Variants in PPIL4 observed in about 807,000 individuals in gnomAD.
The protein encoded by PPIL4 is peptidyl-prolyl cis-trans isomerase-like 4.
PPIL4 carries 50 observed loss-of-function variants against 69.1 expected under a neutral mutation model. That is an observed-to-expected ratio of 0.72 (90% confidence interval 0.58 to 0.92). The LOEUF is 0.92. Ranked by LOEUF, PPIL4 falls within the 40% of genes least tolerant of loss-of-function variation. The pLI, the probability that PPIL4 is intolerant of heterozygous loss-of-function variation, is 0.00. For missense variants in PPIL4, 480 were observed against 587.9 expected, an observed-to-expected ratio of 0.82 and a Z score of 1.90; for synonymous variants, 193 against 191.6, an observed-to-expected ratio of 1.01 and a Z score of -0.06.
chr6:149,520,711 T>A (rs1010808283), intron 10 of PPIL4, among the ~76,000 whole-genome samples: 1 of 152,072 alleles, frequency 6.6e-6, no homozygotes, highest in African/African-American at 2.4e-5. Context: ...CATACAAGCA[T>A]GAAAAGCATA....
chr6:149,513,402 A>T (rs1334975441), intron 11 of PPIL4, among the ~76,000 whole-genome samples: 1 of 105,924 alleles, frequency 9.4e-6, no homozygotes, highest in Non-Finnish European at 1.9e-5. Context: ...AAAAAAAAAA[A>T]AAAAAAAAAA....
Position 149,545,982 on chromosome 6 carries a change from A to G in PPIL4, c.24T>C (p.Thr8=). 1.3e-6 allele frequency: 2 copies of G among 1,585,930 alleles called. No individual in the cohort carries two copies. The highest frequency in any genetic ancestry group is 1.7e-6 in the Non-Finnish European group (2 of 1,163,470). Residue 8 remains threonine (T), a synonymous_variant, in exon 1 of 13, where the codon ACT becomes ACC. Transcript: ENST00000253329. ...ACAAGTCGATGACGACGTCGCCTAA[A>G]GTGGTCTCCAGTAGAACCGCCATGG... MAVLLET[T]LGDVVIDLYT...
At chr6:149,532,171 G>C (rs1777209752) in intron 7 of PPIL4, among the ~76,000 whole-genome samples, 1 of 152,146 alleles carries the variant, frequency 6.6e-6, no homozygotes, top group African/African-American at 2.4e-5. Flanking sequence ...ATCAGAGAGA[G>C]AGAAAAAGAG....
At chr6:149,530,954 A>G (rs1347743692) in intron 7 of PPIL4, among the ~76,000 whole-genome samples, 2 of 152,226 alleles carry the variant, frequency 1.3e-5, no homozygotes, top group African/African-American at 2.4e-5. Flanking sequence ...TCCAATGAAT[A>G]TCGTACACCT....
At chr6:149,535,180 C>A (rs1194980934) in intron 5 of PPIL4, among the ~76,000 whole-genome samples, 1 of 152,088 alleles carries the variant, frequency 6.6e-6, no homozygotes, top group Non-Finnish European at 1.5e-5. Context: ...CATGGTGAAA[C>A]CCCGTCTCTA....
intron 12 of PPIL4, among the ~76,000 whole-genome samples, chr6:149,511,555 G>A (rs928028749): frequency 2.0e-5 from 3 of 152,112 alleles, no homozygotes; most frequent in Non-Finnish European, 4.4e-5. Context: ...GATTACAGGC[G>A]TGAGCCACCG....
In PPIL4 at chr6:149,534,763, G is replaced by C. The variant is rs778834268; in HGVS notation, c.476C>G (p.Thr159Arg). 3 of 1,545,644 alleles carry C rather than the reference G, an allele frequency of 1.9e-6. No homozygotes were observed. Among genetic ancestry groups the C allele is most frequent in the Non-Finnish European group, 2.7e-6 (3 of 1,125,796 alleles). ...VPYQDIRINH[T>R]VILDDPFDDP... ...ATCAAATGGATCATCTAAAATCACC[G>C]TATGATTTATCCTTACAAAATAAAT... is the stretch of plus-strand genomic sequence containing the variant. The change falls in exon 6 of 13, where the codon ACG (threonine) becomes AGG (arginine). Residue 159 changes from threonine to arginine, a missense_variant. By Grantham distance (71) the Thr-to-Arg change is moderately conservative. Coordinates refer to ENST00000253329, the MANE Select transcript of PPIL4 (RefSeq NM_139126.4).
At chr6:149,515,954 A>C (rs1776937417) in intron 11 of PPIL4, among the ~76,000 whole-genome samples, 1 of 152,166 alleles carries the variant, frequency 6.6e-6, no homozygotes, top group Non-Finnish European at 1.5e-5. Flanking sequence ...AGTAGATGCC[A>C]CCATGCCTTC....
chr6:149,525,227 A>C lies in PPIL4; in HGVS notation c.804-18T>G, dbSNP rs202182175. On this transcript the variant is annotated intron_variant, in intron 8 of 12. Transcript: ENST00000253329. ...CTTCACAACTGAAAGAAAGTATTTA[A>C]AAGTGACTTAAAAAAAAAAAAAAGG... 2.9e-4 allele frequency: 402 copies of C among 1,392,396 alleles called. No individual in the cohort carries two copies. The highest frequency in any genetic ancestry group is 3.8e-4 in the Non-Finnish European group (378 of 1,002,492). 86.3% of individuals were successfully genotyped at this position (1,392,396 alleles called of 1,614,324 possible).
At chr6:149,535,146 G>C (rs938014503) in intron 5 of PPIL4, among the ~76,000 whole-genome samples, 7 of 152,172 alleles carry the variant, frequency 4.6e-5, no homozygotes, top group Non-Finnish European at 1.0e-4. Flanking sequence ...CATGAGGTCA[G>C]GAGATCGTGA....
intron 7 of PPIL4, 110 bp from the exon 8 acceptor site, chr6:149,526,886 A>G: frequency 9.5e-7 from 1 of 1,054,904 alleles, no homozygotes; most frequent in Non-Finnish European, 1.4e-6. Flanking sequence ...TTTATGTTAC[A>G]AACTGCAGGC....
intron 10 of PPIL4, among the ~76,000 whole-genome samples, chr6:149,520,166 C>T (rs909389569): frequency 1.3e-5 from 2 of 152,098 alleles, no homozygotes; most frequent in African/African-American, 2.4e-5. Flanking sequence ...GGTACAAAAA[C>T]AGTATGTATA....
intron 1 of PPIL4, 106 bp downstream of exon 1, chr6:149,545,830 G>T: frequency 1.8e-6 from 2 of 1,082,282 alleles, no homozygotes; most frequent in South Asian, 2.8e-5. Context: ...CAGCAGCCCA[G>T]AAGCTCGAGC....
At chr6:149,522,665 T>C (rs1385214564) in intron 9 of PPIL4, among the ~76,000 whole-genome samples, 1 of 152,136 alleles carries the variant, frequency 6.6e-6, no homozygotes, top group Non-Finnish European at 1.5e-5. Flanking sequence ...CAGGTTGGAG[T>C]GCAGTGGTGC....
At chr6:149,539,215 A>G (rs1402344869) in intron 4 of PPIL4, among the ~76,000 whole-genome samples, 1 of 152,212 alleles carries the variant, frequency 6.6e-6, no homozygotes, top group Non-Finnish European at 1.5e-5. Context: ...TGACAACAAA[A>G]GGTTTAGGAT....
At chr6:149,534,178 T>G (rs1777240019) in intron 6 of PPIL4, among the ~76,000 whole-genome samples, 1 of 152,168 alleles carries the variant, frequency 6.6e-6, no homozygotes, top group South Asian at 2.1e-4. Context: ...AATATTTATA[T>G]GGACACTATT....
chr6:149,529,410 T>C (rs1777157083), intron 7 of PPIL4, among the ~76,000 whole-genome samples: 1 of 150,530 alleles, frequency 6.6e-6, no homozygotes, highest in African/African-American at 2.4e-5. Context: ...TGAGCCATTA[T>C]TGTGCCACTG....
intron 10 of PPIL4, among the ~76,000 whole-genome samples, chr6:149,519,448 C>T (rs1020264582): frequency 6.6e-6 from 1 of 152,190 alleles, no homozygotes; most frequent in Non-Finnish European, 1.5e-5. Flanking sequence ...TTACTGGAAT[C>T]TTTCATTCAC....
In PPIL4 at chr6:149,505,360, G is replaced by A; in HGVS notation, c.*93C>T. ...AATCCTAGTATGAAAAAAATAACAA[G>A]CTTTGACACAAAATCTAAGCATCTG... On this transcript the variant is annotated 3_prime_UTR_variant, in exon 13 of 13. Coordinates refer to ENST00000253329, the MANE Select transcript of PPIL4 (RefSeq NM_139126.4). 6 of 1,212,028 alleles carry A rather than the reference G, an allele frequency of 5.0e-6. No individual in the cohort carries two copies. The highest frequency in any genetic ancestry group is 7.0e-6 in the Non-Finnish European group (6 of 861,344). The allele number at this position is 1,212,028 out of a possible 1,614,324, so 75.1% of individuals were successfully genotyped here. A position where few individuals can be genotyped will look rare whatever the true frequency, so the allele number is the denominator to read the frequency against.
Sources: allele counts gnomAD v4.1 joint callset (sites outside exome capture counted in the v4.1 genomes callset), GRCh38; gene constraint gnomAD v4.1.1; transcripts MANE v1.5; gene names NCBI Gene and HGNC (gene_info 2026-07-23, HGNC 2026-07-21).